SORCS3: variants seen among roughly 807,000 people sequenced by gnomAD.
SORCS3 encodes the protein sortilin related VPS10 domain containing receptor 3.
A neutral mutation model predicts 146.3 loss-of-function variants in SORCS3; 57 were observed. The ratio of observed to expected loss-of-function variants is 0.39; its 90% confidence interval spans 0.31 to 0.49. The LOEUF (loss-of-function observed/expected upper bound fraction) is 0.49. SORCS3 is among the 20% of genes least tolerant of loss of function. The pLI, the probability that SORCS3 is intolerant of heterozygous loss-of-function variation, is 0.92. For missense variants in SORCS3, 1,341 were observed against 1,575.5 expected (o/e 0.85, Z 2.52); for synonymous variants, 653 against 618.5 (o/e 1.06, Z -0.83).
chr10:105,002,063 A>C (rs1039830496), intron 4 of SORCS3, among the ~76,000 whole-genome samples: 2 of 152,124 alleles, frequency 1.3e-5, no homozygotes, highest in African/African-American at 4.8e-5. Flanking sequence ...AAAATGAGAG[A>C]GATCAATAGG....
chr10:105,201,796 T>A (rs532585336), intron 16 of SORCS3, among the ~76,000 whole-genome samples: 1 of 152,198 alleles, frequency 6.6e-6, no homozygotes, highest in Non-Finnish European at 1.5e-5. Context: ...TGGACACATA[T>A]GTGTCTGGCT....
intron 1 of SORCS3, among the ~76,000 whole-genome samples, chr10:104,710,546 T>C (rs76349553): frequency 0.048 from 7,267 of 152,252 alleles, 538 homozygotes; most frequent in African/African-American, 0.16. Context: ...CTGGGGTTGC[T>C]GTTTGAGAGG....
intron 4 of SORCS3, among the ~76,000 whole-genome samples, chr10:105,037,595 T>C (rs1417923806): frequency 6.6e-6 from 1 of 152,154 alleles, no homozygotes. Context: ...TCCTTATGTG[T>C]CTTTACGTAG....
intron 3 of SORCS3, among the ~76,000 whole-genome samples, chr10:104,975,260 C>G (rs1181612138): frequency 6.6e-6 from 1 of 152,016 alleles, no homozygotes; most frequent in African/African-American, 2.4e-5. Context: ...TTCTTATACA[C>G]CAATAACAGA....
rs144923542 is a variant in SORCS3 at position 104,747,039 on chromosome 10, T to C, written c.628-95753T>C. ...TTGAGGGCAGGGATTCAACTCCAAGTCTGTGTGAATTCACGTTCATGCTTG... is the reference window on the plus strand; with the variant it reads ...TTGAGGGCAGGGATTCAACTCCAAGCCTGTGTGAATTCACGTTCATGCTTG... On this transcript the variant is annotated intron_variant, in intron 1 of 26. Transcript: ENST00000369701. 5.1e-4 allele frequency among the ~76,000 whole-genome samples: 77 copies of C among 152,292 alleles called. 2 individuals are homozygous for C. In the East Asian group the frequency reaches 0.015, roughly 29 times the overall value.
At chr10:104,950,841 T>G (rs2019421008) in intron 3 of SORCS3, among the ~76,000 whole-genome samples, 1 of 152,236 alleles carries the variant, frequency 6.6e-6, no homozygotes, top group Non-Finnish European at 1.5e-5. Context: ...ACAAGAACAT[T>G]GAAACACACA....
intron 1 of SORCS3, among the ~76,000 whole-genome samples, chr10:104,740,438 C>T (rs1021876662): frequency 4.6e-5 from 7 of 152,192 alleles, no homozygotes; most frequent in African/African-American, 1.7e-4. Context: ...ACTGTTTCGA[C>T]GCACCTCCTC....
chr10:105,256,414 A>T (rs1400626063), intron 24 of SORCS3, among the ~76,000 whole-genome samples: 2 of 152,196 alleles, frequency 1.3e-5, no homozygotes, highest in African/African-American at 4.8e-5. Context: ...TTTTTATCAG[A>T]ACAGTGTAAA....
At chr10:105,173,981 C>G (rs1051339383) in intron 13 of SORCS3, among the ~76,000 whole-genome samples, 1 of 152,154 alleles carries the variant, frequency 6.6e-6, no homozygotes, top group Non-Finnish European at 1.5e-5. Context: ...TTAGTTGTTT[C>G]CATGATATTT....
intron 6 of SORCS3, among the ~76,000 whole-genome samples, chr10:105,097,633 C>A (rs1453428858): frequency 6.6e-6 from 1 of 152,200 alleles, no homozygotes; most frequent in African/African-American, 2.4e-5. Context: ...AAAATACTAA[C>A]AAACATAAGA....
intron 1 of SORCS3, among the ~76,000 whole-genome samples, chr10:104,771,825 C>T (rs939086997): frequency 2.0e-5 from 3 of 151,464 alleles, no homozygotes; most frequent in African/African-American, 7.3e-5. Flanking sequence ...ATGAGAAGGA[C>T]GATGGGGGAG....
At chr10:104,777,067 T>C (rs1043262900) in intron 1 of SORCS3, among the ~76,000 whole-genome samples, 1 of 152,128 alleles carries the variant, frequency 6.6e-6, no homozygotes, top group Admixed American at 6.5e-5. Context: ...TGGTACCTCT[T>C]GCGCTGCAGG....
intron 7 of SORCS3, among the ~76,000 whole-genome samples, chr10:105,127,809 G>A (rs2055986933): frequency 6.6e-6 from 1 of 152,182 alleles, no homozygotes; most frequent in African/African-American, 2.4e-5. Flanking sequence ...CTCCAACTGG[G>A]AAATTGGGGT....
At chr10:104,886,480 A>G (rs2018685396) in intron 2 of SORCS3, among the ~76,000 whole-genome samples, 1 of 151,018 alleles carries the variant, frequency 6.6e-6, no homozygotes. Flanking sequence ...CAGATACCAC[A>G]TATGTTATTT....
chr10:104,978,395 G>T (rs187659164), intron 4 of SORCS3, among the ~76,000 whole-genome samples: 2 of 152,120 alleles, frequency 1.3e-5, no homozygotes, highest in African/African-American at 2.4e-5. Flanking sequence ...CTCCAAATAC[G>T]TATATTCAGC....
Position 105,078,048 on chromosome 10 carries a change from A to G in SORCS3, c.1029-11727A>G, listed in dbSNP as rs790736. Reference sequence around the variant, plus strand: ...TTTCACAGGACGATCACATTTGTCAAGCAAATCACAGATGACTGTGTTTGA... The same window carrying G: ...TTTCACAGGACGATCACATTTGTCAGGCAAATCACAGATGACTGTGTTTGA... On this transcript the variant is annotated intron_variant, in intron 5 of 26. Transcript: ENST00000369701. Among the ~76,000 whole-genome samples, 433 of 152,358 alleles carry G rather than the reference A, an allele frequency of 2.8e-3. 4 individuals carry two copies. The highest frequency in any genetic ancestry group is 0.01 in the African/African-American group (422 of 41,594).
chr10:104,648,009 G>A (rs2015514687), intron 1 of SORCS3, among the ~76,000 whole-genome samples: 1 of 152,200 alleles, frequency 6.6e-6, no homozygotes, highest in South Asian at 2.1e-4. Context: ...GGATAAGACA[G>A]CATTTGCCTC....
intron 2 of SORCS3, among the ~76,000 whole-genome samples, chr10:104,888,906 T>A (rs2018720124): frequency 6.6e-6 from 1 of 152,222 alleles, no homozygotes; most frequent in Admixed American, 6.5e-5. Flanking sequence ...CCAATTGTTT[T>A]AAAATTATTA....
intron 5 of SORCS3, among the ~76,000 whole-genome samples, chr10:105,049,115 A>AT (rs1310548391): frequency 6.6e-6 from 1 of 152,036 alleles, no homozygotes; most frequent in Non-Finnish European, 1.5e-5. Flanking sequence ...ACTTGACTGC[A>AT]TTTTTTTGCA....
Sources: gnomAD v4.1 joint callset for allele counts (sites outside exome capture counted in the v4.1 genomes callset) on GRCh38, gnomAD v4.1.1 for gene constraint, MANE v1.5 for transcripts, NCBI Gene and HGNC (gene_info 2026-07-23, HGNC 2026-07-21) for gene names.